Variants in CSMD1 observed in about 807,000 individuals in gnomAD.
The protein encoded by CSMD1 is CUB and sushi domain-containing protein 1.
A neutral mutation model predicts 417.5 loss-of-function variants in CSMD1; 213 were observed. The observed-to-expected ratio is 0.51, with a 90% CI of 0.46 to 0.57. The LOEUF (loss-of-function observed/expected upper bound fraction) is 0.57, where lower values mean the gene tolerates loss of function less well. Among genes scored for constraint, CSMD1 ranks in the 20% least tolerant of loss-of-function variants. The probability of loss-of-function intolerance (pLI) is 0.00; values close to 1 mark genes in which losing one functional copy is unlikely to be tolerated. For missense variants in CSMD1, 6,923 were observed against 4,529.7 expected, an observed-to-expected ratio of 1.53 and a Z score of -15.17; for synonymous variants, 2,862 against 1,736.8, an observed-to-expected ratio of 1.65 and a Z score of -16.11.
At chr8:4,330,313 G>T (rs777919845) in intron 3 of CSMD1, among the ~76,000 whole-genome samples, 36 of 151,390 alleles carry the variant, frequency 2.4e-4, no homozygotes, top group African/African-American at 8.5e-4. Flanking sequence ...TAATATTTTG[G>T]GCTGGGCGTG....
intron 5 of CSMD1, among the ~76,000 whole-genome samples, chr8:3,953,984 C>T (rs968076437): frequency 1.3e-5 from 2 of 152,176 alleles, no homozygotes; most frequent in African/African-American, 4.8e-5. Flanking sequence ...CCCTTCCTTC[C>T]TCTGGTGGTG....
intron 1 of CSMD1, among the ~76,000 whole-genome samples, chr8:4,680,261 T>C (rs1286611526): frequency 5.3e-5 from 8 of 152,172 alleles, no homozygotes; most frequent in Admixed American, 5.2e-4. Flanking sequence ...AAAATACATG[T>C]TATGTTATCA....
intron 1 of CSMD1, among the ~76,000 whole-genome samples, chr8:4,947,159 C>T (rs911991831): frequency 1.5e-4 from 23 of 152,096 alleles, no homozygotes; most frequent in African/African-American, 5.3e-4. Flanking sequence ...AAATTCACAA[C>T]AAAATAAAAC....
chr8:4,455,929 CAAAAAAA>C (rs71207091), intron 2 of CSMD1, among the ~76,000 whole-genome samples: 31 of 11,644 alleles, frequency 2.7e-3, no homozygotes, highest in Admixed American at 9.3e-3. Flanking sequence ...ACTCCAACTC[CAAAAAAA>C]AAAAAAAAAA....
At chr8:3,463,160 A>G (rs1428499586) in intron 12 of CSMD1, among the ~76,000 whole-genome samples, 1 of 152,170 alleles carries the variant, frequency 6.6e-6, no homozygotes, top group East Asian at 1.9e-4. Context: ...AACCTGAATG[A>G]ACTAACTGTG....
At chr8:3,349,864 T>C (rs1808281949) in intron 21 of CSMD1, among the ~76,000 whole-genome samples, 1 of 98,126 alleles carries the variant, frequency 1.0e-5, no homozygotes, top group African/African-American at 3.1e-5. Flanking sequence ...TATAATTATA[T>C]AAATATATTT....
intron 2 of CSMD1, among the ~76,000 whole-genome samples, chr8:4,495,599 C>T (rs1032128613): frequency 1.3e-5 from 2 of 151,784 alleles, no homozygotes; most frequent in Non-Finnish European, 1.5e-5. Context: ...AAAAGAATTG[C>T]TTTTTAGGGC....
intron 10 of CSMD1, among the ~76,000 whole-genome samples, chr8:3,519,663 G>C (rs1797420673): frequency 6.6e-6 from 1 of 152,202 alleles, no homozygotes; most frequent in Non-Finnish European, 1.5e-5. Context: ...TTATCAAGCA[G>C]CATGCAGGCC....
chr8:4,475,011 T>C lies in CSMD1; in HGVS notation c.303-54946A>G, dbSNP rs1489159658. Among the ~76,000 whole-genome samples the C allele has an allele frequency of 2.0e-5, 3 of 152,148 alleles. No individual in the cohort carries two copies. In the South Asian group the frequency reaches 6.2e-4, roughly 32 times the overall value. ...TTACGTTTTGGGGGAGTTGAAAGTT[T>C]TATGTGGATTTTTCAATGCATAAGG... On this transcript the variant is annotated intron_variant, in intron 2 of 69. Transcript: ENST00000635120.
chr8:3,280,346 C>T (rs971739765), intron 26 of CSMD1, among the ~76,000 whole-genome samples: 1 of 152,192 alleles, frequency 6.6e-6, no homozygotes, highest in Non-Finnish European at 1.5e-5. Flanking sequence ...GACAAAAGGT[C>T]AGTCTCAAAG....
chr8:3,578,491 A>G (rs1800245825), intron 9 of CSMD1, among the ~76,000 whole-genome samples: 1 of 152,204 alleles, frequency 6.6e-6, no homozygotes, highest in Non-Finnish European at 1.5e-5. Flanking sequence ...GGCTGCCATT[A>G]TCTTATCTAA....
At chr8:4,246,117 T>A (rs147319768) in intron 3 of CSMD1, among the ~76,000 whole-genome samples, 91 of 152,284 alleles carry the variant, frequency 6.0e-4, no homozygotes, top group African/African-American at 1.9e-3. Context: ...ACAGATTATT[T>A]GATCACCCAG....
At chr8:3,725,098 G>C (rs537779412) in intron 6 of CSMD1, among the ~76,000 whole-genome samples, 2 of 152,308 alleles carry the variant, frequency 1.3e-5, no homozygotes, top group South Asian at 4.1e-4. Flanking sequence ...ATAGCGGTTT[G>C]GAAGGTGAGT....
At chr8:4,021,827 G>T (rs1020128776) in intron 4 of CSMD1, among the ~76,000 whole-genome samples, 2 of 151,970 alleles carry the variant, frequency 1.3e-5, no homozygotes, top group African/African-American at 4.8e-5. Flanking sequence ...CTAAAGACCC[G>T]GGGCTCTAGT....
intron 26 of CSMD1, among the ~76,000 whole-genome samples, chr8:3,283,376 C>T (rs1226372439): frequency 6.6e-6 from 1 of 152,068 alleles, no homozygotes; most frequent in Non-Finnish European, 1.5e-5. Context: ...ATGTAGAGAC[C>T]CACACCTGTC....
rs1289246764 is a variant in CSMD1, at chr8:4,953,431, T to C, written c.85+40901A>G. Among the ~76,000 whole-genome samples, 5 of 152,154 alleles carry C rather than the reference T, an allele frequency of 3.3e-5. No individual in the cohort carries two copies. In the South Asian group the frequency reaches 8.3e-4, roughly 25 times the overall value. On this transcript the variant is annotated intron_variant, in intron 1 of 69. Transcript: ENST00000635120. ...TGAAGGACAAATAAAATCATTAAGATTAACACTATCACTTCAAATACTAAA... is the reference window on the plus strand; with the variant it reads ...TGAAGGACAAATAAAATCATTAAGACTAACACTATCACTTCAAATACTAAA...
At chr8:4,964,054 T>A (rs1203780533) in intron 1 of CSMD1, among the ~76,000 whole-genome samples, 1 of 152,164 alleles carries the variant, frequency 6.6e-6, no homozygotes, top group Non-Finnish European at 1.5e-5. Flanking sequence ...GCTGGGTGAA[T>A]CTGGCAAGAC....
At chr8:3,969,223 C>G (rs950921994) in intron 5 of CSMD1, among the ~76,000 whole-genome samples, 3 of 152,136 alleles carry the variant, frequency 2.0e-5, no homozygotes, top group African/African-American at 7.2e-5. Flanking sequence ...GCACTCCAGC[C>G]TGGGTGACAG....
At chr8:3,164,059 T>C (rs1820062464) in intron 37 of CSMD1, among the ~76,000 whole-genome samples, 1 of 152,100 alleles carries the variant, frequency 6.6e-6, no homozygotes, top group Non-Finnish European at 1.5e-5. Flanking sequence ...GGCAACACCA[T>C]CCCAAATCCT....
Sources: gnomAD v4.1 joint callset for allele counts (sites outside exome capture counted in the v4.1 genomes callset) on GRCh38, gnomAD v4.1.1 for gene constraint, MANE v1.5 for transcripts, NCBI Gene and HGNC (gene_info 2026-07-23, HGNC 2026-07-21) for gene names.